ULK4: variants seen among roughly 807,000 people sequenced by gnomAD.
ULK4 encodes unc-51 like kinase 4, also known as inactive serine/threonine-protein kinase ULK4.
ULK4 carries 133 observed loss-of-function variants against 160.6 expected under a neutral mutation model. That is an observed-to-expected ratio of 0.83 (90% CI 0.72 to 0.96). ULK4 has a LOEUF of 0.96. ULK4 is among the 40% of genes least tolerant of loss of function. ULK4 has a pLI of 0.00. For missense variants in ULK4, 1,580 were observed against 1,499.5 expected (o/e 1.05, Z -0.89); for synonymous variants, 534 against 539.8 (o/e 0.99, Z 0.15).
chr3:41,552,080 C>A (rs10865909), intron 32 of ULK4, among the ~76,000 whole-genome samples: 77,540 of 151,748 alleles, frequency 0.51, 19,921 homozygotes, highest in Middle Eastern at 0.57. Context: ...TAAAAACTCT[C>A]AACAAACTAG....
intron 35 of ULK4, among the ~76,000 whole-genome samples, chr3:41,350,032 T>C (rs931565997): frequency 1.3e-5 from 2 of 152,212 alleles, no homozygotes; most frequent in Non-Finnish European, 2.9e-5. Context: ...TTCTATAATT[T>C]AATACTATGA....
intron 35 of ULK4, among the ~76,000 whole-genome samples, chr3:41,305,192 C>CTCTCCCTCTCCCCACGG (rs746136905): frequency 0.35 from 37,943 of 108,444 alleles, 5,456 homozygotes; most frequent in Non-Finnish European, 0.38. Context: ...AGGGCTCTCC[C>CTCTCCCTCTCCCCACGG]TCTCCCTCTC....
chr3:41,919,599 C>G, intron 6 of ULK4, 118 bp downstream of exon 6: 1 of 852,208 alleles, frequency 1.2e-6, no homozygotes, highest in Non-Finnish European at 1.8e-6. Context: ...GAGACTCTGT[C>G]TCAAAATAAA....
At chr3:41,285,802 A>C (rs941101715) in intron 35 of ULK4, among the ~76,000 whole-genome samples, 2 of 152,252 alleles carry the variant, frequency 1.3e-5, no homozygotes, top group Admixed American at 6.5e-5. Context: ...AGCAAAGATA[A>C]AACAACTGAA....
chr3:41,595,409 G>T (rs1460903558), intron 31 of ULK4, among the ~76,000 whole-genome samples: 1 of 152,176 alleles, frequency 6.6e-6, no homozygotes, highest in Non-Finnish European at 1.5e-5. Flanking sequence ...AGGGTAAAAG[G>T]CACCTAGTAA....
intron 35 of ULK4, among the ~76,000 whole-genome samples, chr3:41,350,343 A>C (rs1421372484): frequency 6.6e-6 from 1 of 152,214 alleles, no homozygotes; most frequent in Non-Finnish European, 1.5e-5. Flanking sequence ...ACAGAAACAC[A>C]AGGTTTTCAT....
intron 30 of ULK4, among the ~76,000 whole-genome samples, chr3:41,631,591 G>C (rs1392993046): frequency 6.6e-6 from 1 of 152,158 alleles, no homozygotes; most frequent in Non-Finnish European, 1.5e-5. Context: ...GATTTTAAAT[G>C]TAAACAGAAT....
At chr3:41,908,236 A>G (rs535881415) in intron 11 of ULK4, among the ~76,000 whole-genome samples, 2 of 152,368 alleles carry the variant, frequency 1.3e-5, no homozygotes, top group East Asian at 3.8e-4. Flanking sequence ...CATAAATAAA[A>G]TAGATCAGAT....
intron 19 of ULK4, among the ~76,000 whole-genome samples, chr3:41,803,021 T>G (rs1242791732): frequency 1.3e-5 from 2 of 151,898 alleles, no homozygotes; most frequent in African/African-American, 2.4e-5. Flanking sequence ...AAAAATTAGC[T>G]GGGCATGGTG....
intron 34 of ULK4, among the ~76,000 whole-genome samples, chr3:41,443,792 C>G (rs956683763): frequency 6.6e-6 from 1 of 151,842 alleles, no homozygotes; most frequent in Non-Finnish European, 1.5e-5. Flanking sequence ...TTTTAAAATA[C>G]ACTTTTAACT....
intron 35 of ULK4, among the ~76,000 whole-genome samples, chr3:41,387,984 A>C (rs532722383): frequency 1.3e-3 from 192 of 152,280 alleles, no homozygotes; most frequent in African/African-American, 3.4e-3. Flanking sequence ...GTTTACAGTC[A>C]CACCAACAGT....
At chr3:41,273,111 A>G (rs972417647) in intron 35 of ULK4, among the ~76,000 whole-genome samples, 1 of 152,218 alleles carries the variant, frequency 6.6e-6, no homozygotes, top group Admixed American at 6.5e-5. Context: ...AAAATTGTAT[A>G]ACATTATAAA....
At chr3:41,848,865 A>G (rs562780609) in intron 17 of ULK4, among the ~76,000 whole-genome samples, 2 of 152,338 alleles carry the variant, frequency 1.3e-5, no homozygotes, top group South Asian at 4.1e-4. Context: ...AGTAATAGAT[A>G]GTGCTGTCCA....
intron 31 of ULK4, among the ~76,000 whole-genome samples, chr3:41,568,238 T>C (rs2087852921): frequency 6.6e-6 from 1 of 152,140 alleles, no homozygotes; most frequent in African/African-American, 2.4e-5. Context: ...TGTTAGAAGG[T>C]GATATACACT....
At chr3:41,831,881 A>AT (rs2041602492) in intron 18 of ULK4, among the ~76,000 whole-genome samples, 1 of 152,044 alleles carries the variant, frequency 6.6e-6, no homozygotes, top group African/African-American at 2.4e-5. Flanking sequence ...ATATGATCTC[A>AT]TTCTTTTTTA....
intron 1 of ULK4, among the ~76,000 whole-genome samples, chr3:41,956,269 A>T (rs1240367312): frequency 2.6e-5 from 4 of 152,202 alleles, no homozygotes; most frequent in African/African-American, 9.6e-5. Flanking sequence ...GACCGATTGC[A>T]GGCCACCACT....
intron 30 of ULK4, among the ~76,000 whole-genome samples, chr3:41,640,764 A>T (rs2034151307): frequency 6.6e-6 from 1 of 152,234 alleles, no homozygotes; most frequent in African/African-American, 2.4e-5. Context: ...GAAATTCAAA[A>T]AGAAAATGGA....
intron 31 of ULK4, among the ~76,000 whole-genome samples, chr3:41,566,580 T>C (rs893511919): frequency 6.6e-6 from 1 of 152,254 alleles, no homozygotes; most frequent in Admixed American, 6.5e-5. Context: ...ACTGCTTTAG[T>C]GCAATAAACT....
At chr3:41,646,228 T>G (rs910947467) in intron 30 of ULK4, among the ~76,000 whole-genome samples, 4 of 152,202 alleles carry the variant, frequency 2.6e-5, no homozygotes, top group Admixed American at 2.0e-4. Context: ...AATTTGATCC[T>G]GTCATTATGA....
Sources: gnomAD v4.1 joint callset for allele counts (sites outside exome capture counted in the v4.1 genomes callset) on GRCh38, gnomAD v4.1.1 for gene constraint, MANE v1.5 for transcripts, NCBI Gene and HGNC (gene_info 2026-07-23, HGNC 2026-07-21) for gene names.